The following ROR1 variants were observed in gnomAD, a reference collection of about 807,000 sequenced individuals.
The protein encoded by ROR1 is inactive tyrosine-protein kinase transmembrane receptor ROR1.
A neutral mutation model predicts 78.8 loss-of-function variants in ROR1; 19 were observed. The ratio of observed to expected loss-of-function variants is 0.24; its 90% CI spans 0.17 to 0.35. ROR1 has a LOEUF of 0.35. Among genes scored for constraint, ROR1 ranks in the 10% least tolerant of loss-of-function variants. The probability of loss-of-function intolerance (pLI) is 1.00; values close to 1 mark genes in which losing one functional copy is unlikely to be tolerated. For missense variants in ROR1, 917 were observed against 1,177.8 expected (o/e 0.78, Z 3.24); for synonymous variants, 386 against 433.6 (o/e 0.89, Z 1.36).
chr1:63,926,422 T>C (rs1225946143), intron 1 of ROR1, among the ~76,000 whole-genome samples: 1 of 152,220 alleles, frequency 6.6e-6, no homozygotes, highest in African/African-American at 2.4e-5. Flanking sequence ...CCTTGTAGTA[T>C]AGTTTGAAGT....
intron 4 of ROR1, among the ~76,000 whole-genome samples, chr1:64,075,002 G>A (rs112046334): frequency 0.027 from 4,104 of 152,176 alleles, 106 homozygotes; most frequent in East Asian, 0.1. Flanking sequence ...TGTTCCCGAG[G>A]CACTGTGCTA....
At chr1:63,871,871 G>A (rs915640289) in intron 1 of ROR1, among the ~76,000 whole-genome samples, 1 of 152,172 alleles carries the variant, frequency 6.6e-6, no homozygotes, top group Admixed American at 6.6e-5. Flanking sequence ...TGGGCATAAT[G>A]TGTATTAAGT....
intron 4 of ROR1, among the ~76,000 whole-genome samples, chr1:64,077,792 C>G (rs1647064110): frequency 6.6e-6 from 1 of 152,266 alleles, no homozygotes; most frequent in African/African-American, 2.4e-5. Flanking sequence ...TGTGATATCA[C>G]TGCTGAAAAG....
rs528497534 is a variant in ROR1 at position 63,843,641 on chromosome 1, G to A, written c.91+69133G>A. On this transcript the variant is annotated intron_variant, in intron 1 of 8. Coordinates refer to ENST00000371079, the MANE Select transcript of ROR1 (RefSeq NM_005012.4). ...TTGAAGACTTATGCAACTTCATGTC[G>A]TTGAACATGTTCATGACACCATCAG... is the stretch of plus-strand genomic sequence containing the variant. 1.4e-4 allele frequency: 87 copies of A among 605,070 alleles called. No individual in the cohort carries two copies. In the Middle Eastern group the frequency reaches 3.0e-3, roughly 21 times the overall value. 37.5% of individuals were successfully genotyped at this position (605,070 alleles called of 1,614,324 possible).
At chr1:63,930,434 G>A (rs764632993) in intron 1 of ROR1, among the ~76,000 whole-genome samples, 16 of 152,200 alleles carry the variant, frequency 1.1e-4, no homozygotes, top group Middle Eastern at 3.2e-3. Flanking sequence ...TAGGCTCCAA[G>A]TAATTCCTTC....
intron 4 of ROR1, among the ~76,000 whole-genome samples, chr1:64,070,357 C>G (rs1169878307): frequency 6.6e-6 from 1 of 152,080 alleles, no homozygotes; most frequent in East Asian, 1.9e-4. Flanking sequence ...GAGAGAGGGT[C>G]TCATTCTGTC....
intron 4 of ROR1, among the ~76,000 whole-genome samples, chr1:64,101,734 A>C (rs765009780): frequency 2.0e-5 from 3 of 152,268 alleles, no homozygotes; most frequent in Non-Finnish European, 4.4e-5. Flanking sequence ...GGTTGATTAG[A>C]GGAGGCCTCT....
chr1:63,823,111 A>C (rs1480316496), intron 1 of ROR1, among the ~76,000 whole-genome samples: 1 of 152,094 alleles, frequency 6.6e-6, no homozygotes, highest in Non-Finnish European at 1.5e-5. Flanking sequence ...TGATGTTAAA[A>C]ATCTTTTAAA....
chr1:64,064,222 A>G (rs1392089525), intron 4 of ROR1, among the ~76,000 whole-genome samples: 1 of 152,210 alleles, frequency 6.6e-6, no homozygotes, highest in Admixed American at 6.5e-5. Context: ...AGGGAAAAAT[A>G]GAAGGGGTAA....
At chr1:63,883,306 A>G (rs1433509489) in intron 1 of ROR1, among the ~76,000 whole-genome samples, 1 of 152,152 alleles carries the variant, frequency 6.6e-6, no homozygotes, top group Non-Finnish European at 1.5e-5. Flanking sequence ...CCAACCTTTA[A>G]GTTGTGTCTC....
intron 1 of ROR1, among the ~76,000 whole-genome samples, chr1:63,940,617 G>C (rs1033804304): frequency 7.9e-5 from 12 of 152,298 alleles, no homozygotes; most frequent in African/African-American, 2.9e-4. Context: ...GATATATGTG[G>C]AGGAAGTAGT....
At chr1:64,120,207 C>G (rs1391834300) in intron 4 of ROR1, among the ~76,000 whole-genome samples, 2 of 149,708 alleles carry the variant, frequency 1.3e-5, no homozygotes, top group East Asian at 1.9e-4. Flanking sequence ...GGATTCTTTC[C>G]CATGAACAGG....
intron 1 of ROR1, among the ~76,000 whole-genome samples, chr1:63,915,080 G>A (rs916368338): frequency 3.3e-5 from 5 of 152,182 alleles, no homozygotes; most frequent in Admixed American, 2.0e-4. Flanking sequence ...ACCATTTGAA[G>A]GTAGGTATTA....
intron 4 of ROR1, among the ~76,000 whole-genome samples, chr1:64,134,129 G>C (rs1034889477): frequency 1.7e-4 from 26 of 152,228 alleles, no homozygotes; most frequent in African/African-American, 6.0e-4. Context: ...TACTTGCTGC[G>C]TAACTTTGGA....
chr1:63,943,902 T>G (rs946484853), intron 1 of ROR1, among the ~76,000 whole-genome samples: 5 of 152,178 alleles, frequency 3.3e-5, no homozygotes, highest in African/African-American at 9.7e-5. Context: ...AGTTTATTCT[T>G]TCGTCTCTGT....
intron 1 of ROR1, among the ~76,000 whole-genome samples, chr1:63,940,235 T>A (rs1445882486): frequency 6.6e-6 from 1 of 152,074 alleles, no homozygotes; most frequent in African/African-American, 2.4e-5. Context: ...GCTAATTCCA[T>A]GGTTTGGGCA....
At chr1:63,988,216 G>T (rs1347006052) in intron 1 of ROR1, among the ~76,000 whole-genome samples, 2 of 152,140 alleles carry the variant, frequency 1.3e-5, no homozygotes, top group Non-Finnish European at 2.9e-5. Flanking sequence ...CTGTCTCAGG[G>T]TCCAGGCTGG....
chr1:64,047,074 T>A (rs1646790545), intron 2 of ROR1, among the ~76,000 whole-genome samples: 1 of 152,170 alleles, frequency 6.6e-6, no homozygotes. Context: ...TGATGGAAGC[T>A]TTGGGCAGTT....
chr1:63,795,582 G>A (rs1264852502), intron 1 of ROR1, among the ~76,000 whole-genome samples: 1 of 152,042 alleles, frequency 6.6e-6, no homozygotes, highest in Non-Finnish European at 1.5e-5. Flanking sequence ...TCTTAAGATC[G>A]TGAAAATACA....
Sources: gnomAD v4.1 joint callset for allele counts (sites outside exome capture counted in the v4.1 genomes callset) on GRCh38, gnomAD v4.1.1 for gene constraint, MANE v1.5 for transcripts, NCBI Gene and HGNC (gene_info 2026-07-23, HGNC 2026-07-21) for gene names.